SLC35F3: variants seen among roughly 807,000 people sequenced by gnomAD.
The protein encoded by SLC35F3 is solute carrier family 35 member F3, also known as putative thiamine transporter SLC35F3.
SLC35F3 carries 25 observed loss-of-function variants against 49.9 expected under a neutral mutation model. The ratio of observed to expected loss-of-function variants is 0.50; its 90% CI spans 0.37 to 0.70. The LOEUF is 0.70. SLC35F3 is among the 30% of genes least tolerant of loss of function. The pLI is 0.00. For missense variants in SLC35F3, 525 were observed against 639.8 expected, an observed-to-expected ratio of 0.82 and a Z score of 1.94; for synonymous variants, 275 against 265.4, an observed-to-expected ratio of 1.04 and a Z score of -0.35.
At chr1:234,073,542 G>T (rs1233504772) in intron 2 of SLC35F3, among the ~76,000 whole-genome samples, 1 of 152,210 alleles carries the variant, frequency 6.6e-6, no homozygotes, top group Non-Finnish European at 1.5e-5. Flanking sequence ...AGCCATTGCT[G>T]TTGGAGACTG....
rs114759959 is a variant in SLC35F3 at position 234,138,780 on chromosome 1, G to A, written c.284-92637G>A. On this transcript the variant is annotated intron_variant, in intron 2 of 7. Coordinates refer to ENST00000366618, the MANE Select transcript of SLC35F3 (RefSeq NM_173508.4). The stretch of plus-strand genomic sequence containing the variant: ...TGCACAGGCTGGTCTTGAACTCCTG[G>A]CATCAAGTGATTCTTCCTCCTCAGC... Among the ~76,000 whole-genome samples the A allele has an allele frequency of 2.1e-3, 315 of 152,236 alleles. 3 individuals are homozygous for A. The highest frequency in any genetic ancestry group is 5.4e-3 in the African/African-American group (225 of 41,528).
At position 234,027,077 on chromosome 1, in the gene SLC35F3, C is replaced by G. The variant is rs567697451; in HGVS notation, c.283+121319C>G. ...GTTGTATTCCATAAGCCCAGATACA[C>G]TGATTTTCCAAGTACCATAACATTG... is the stretch of plus-strand genomic sequence containing the variant. On this transcript the variant is annotated intron_variant, in intron 2 of 7. Coordinates refer to ENST00000366618, the MANE Select transcript of SLC35F3 (RefSeq NM_173508.4). This position sits in a 1 kb window ranked among gnomAD's most constrained non-coding sequence, Gnocchi z 4.1. 2 of 153,296 alleles carry G rather than the reference C, an allele frequency of 1.3e-5. No individual in the cohort carries two copies. Among genetic ancestry groups the G allele is most frequent in the South Asian group, 4.1e-4 (2 of 4,860 alleles). The allele number at this position is 153,296 out of a possible 1,614,324, so 9.5% of individuals were successfully genotyped here.
chr1:234,175,213 A>T (rs1666457459), intron 2 of SLC35F3, among the ~76,000 whole-genome samples: 1 of 152,206 alleles, frequency 6.6e-6, no homozygotes, highest in Non-Finnish European at 1.5e-5. Context: ...CTGTCTAATC[A>T]AGGAGGCTCT....
intron 2 of SLC35F3, among the ~76,000 whole-genome samples, chr1:234,067,031 C>T (rs954077725): frequency 1.3e-5 from 2 of 152,130 alleles, no homozygotes; most frequent in Admixed American, 1.3e-4. Flanking sequence ...TAATAAATAA[C>T]TTTCTTAAAT....
intron 2 of SLC35F3, among the ~76,000 whole-genome samples, chr1:233,927,672 A>C (rs1662181965): frequency 6.6e-6 from 1 of 152,150 alleles, no homozygotes. Context: ...ATATGGACAC[A>C]GAAAATTAAA....
At chr1:233,992,318 G>A (rs1363407543) in intron 2 of SLC35F3, among the ~76,000 whole-genome samples, 1 of 152,168 alleles carries the variant, frequency 6.6e-6, no homozygotes, top group East Asian at 1.9e-4. Context: ...CCTCAAGCTG[G>A]GTAACTTATA....
intron 2 of SLC35F3, among the ~76,000 whole-genome samples, chr1:234,015,407 T>C (rs978040341): frequency 5.3e-5 from 8 of 150,794 alleles, no homozygotes; most frequent in Non-Finnish European, 7.4e-5. Context: ...GATTTCTAAC[T>C]ATCTTATAAA....
chr1:234,067,409 G>A (rs936413), intron 2 of SLC35F3, among the ~76,000 whole-genome samples: 47,544 of 152,038 alleles, frequency 0.31, 9,743 homozygotes, highest in African/African-American at 0.59. Context: ...ACACCGGTCC[G>A]TGGTCTCTGA....
intron 2 of SLC35F3, among the ~76,000 whole-genome samples, chr1:233,972,697 G>GA (rs1262278645): frequency 6.6e-6 from 1 of 152,220 alleles, no homozygotes; most frequent in African/African-American, 2.4e-5. Context: ...GAGAGGTCAA[G>GA]ATGGACAACG....
intron 2 of SLC35F3, among the ~76,000 whole-genome samples, chr1:234,064,595 CTCTT>C (rs559232366): frequency 4.5e-4 from 69 of 152,152 alleles, no homozygotes; most frequent in Non-Finnish European, 7.5e-4. Context: ...CACATGCAAT[CTCTT>C]TCTTTATAGT....
chr1:234,262,251 A>G (rs1331087530), intron 3 of SLC35F3, among the ~76,000 whole-genome samples: 1 of 152,200 alleles, frequency 6.6e-6, no homozygotes, highest in Non-Finnish European at 1.5e-5. Context: ...TTGGACTAGC[A>G]GGGGGAGAGC....
chr1:234,303,587 C>A (rs1170514219), intron 3 of SLC35F3, among the ~76,000 whole-genome samples: 1 of 152,220 alleles, frequency 6.6e-6, no homozygotes, highest in African/African-American at 2.4e-5. Context: ...CAATCTACCT[C>A]CACCTTTGAT....
At chr1:233,969,910 A>G (rs1572002579) in intron 2 of SLC35F3, among the ~76,000 whole-genome samples, 1 of 152,092 alleles carries the variant, frequency 6.6e-6, no homozygotes, top group Non-Finnish European at 1.5e-5. Context: ...ATGGCTGGGG[A>G]ACGGGGAAGG....
intron 2 of SLC35F3, among the ~76,000 whole-genome samples, chr1:233,966,583 G>T (rs1295418875): frequency 6.6e-6 from 1 of 152,112 alleles, no homozygotes; most frequent in Non-Finnish European, 1.5e-5. Flanking sequence ...ACCAACTCTT[G>T]CTCCCTAGCC....
chr1:234,096,829 G>A (rs1245479533), intron 2 of SLC35F3, among the ~76,000 whole-genome samples: 1 of 151,962 alleles, frequency 6.6e-6, no homozygotes, highest in Non-Finnish European at 1.5e-5. Context: ...TCTTTGCAGG[G>A]TAGATACCCA....
intron 2 of SLC35F3, among the ~76,000 whole-genome samples, chr1:234,165,012 A>G (rs1051130717): frequency 6.8e-6 from 1 of 146,960 alleles, no homozygotes; most frequent in African/African-American, 2.5e-5. Flanking sequence ...AGTTGATTTC[A>G]TGGTCAGCTT....
At chr1:234,016,518 A>G (rs1045030667) in intron 2 of SLC35F3, among the ~76,000 whole-genome samples, 32 of 152,340 alleles carry the variant, frequency 2.1e-4, no homozygotes, top group African/African-American at 7.7e-4. Context: ...CGTGGAGGAC[A>G]ACATACTAAA....
intron 2 of SLC35F3, among the ~76,000 whole-genome samples, chr1:234,037,324 A>T (rs1466882093): frequency 6.6e-6 from 1 of 152,198 alleles, no homozygotes; most frequent in East Asian, 1.9e-4. Context: ...GAGCTAATAA[A>T]GCAAAAACTA....
At chr1:234,241,128 A>G (rs544249695) in intron 3 of SLC35F3, among the ~76,000 whole-genome samples, 1 of 152,214 alleles carries the variant, frequency 6.6e-6, no homozygotes, top group East Asian at 1.9e-4. Flanking sequence ...TTCTGCTGGC[A>G]CCCCTTTTGC....
Sources: gnomAD v4.1 joint callset for allele counts (sites outside exome capture counted in the v4.1 genomes callset) on GRCh38, gnomAD v4.1.1 for gene constraint, Gnocchi (gnomAD v3.1) non-coding constraint, MANE v1.5 for transcripts, NCBI Gene and HGNC (gene_info 2026-07-23, HGNC 2026-07-21) for gene names.